The following ARIH1 variants were observed in gnomAD, a reference collection of about 807,000 sequenced individuals.
ARIH1 encodes the protein ariadne RBR E3 ubiquitin protein ligase 1.
A neutral mutation model predicts 85.0 loss-of-function variants in ARIH1; 8 were observed. The observed-to-expected ratio is 0.09, with a 90% CI of 0.06 to 0.17. ARIH1 has a LOEUF of 0.17. Ranked by LOEUF, ARIH1 falls within the 10% of genes least tolerant of loss-of-function variation. The pLI is 1.00. For missense variants in ARIH1, 311 were observed against 718.1 expected (o/e 0.43, Z 6.48); for synonymous variants, 238 against 253.6 (o/e 0.94, Z 0.59).
At chr15:72,557,688 C>A (rs528591320) in intron 5 of ARIH1, among the ~76,000 whole-genome samples, 1 of 152,250 alleles carries the variant, frequency 6.6e-6, no homozygotes, top group South Asian at 2.1e-4. Context: ...TGAGCTCTTA[C>A]ATTAAAGTAT....
intron 2 of ARIH1, among the ~76,000 whole-genome samples, chr15:72,527,714 T>C (rs2140415887): frequency 6.6e-6 from 1 of 152,324 alleles, no homozygotes; most frequent in Middle Eastern, 3.4e-3. Context: ...TTTCTTACTG[T>C]CTTTTTTCCT....
intron 5 of ARIH1, among the ~76,000 whole-genome samples, chr15:72,560,773 A>G (rs912363167): frequency 6.6e-6 from 1 of 152,186 alleles, no homozygotes; most frequent in Non-Finnish European, 1.5e-5. Flanking sequence ...GGTTCATTTA[A>G]AAGATTTTAA....
chr15:72,535,735 G>A (rs1011789340), intron 2 of ARIH1, among the ~76,000 whole-genome samples: 1 of 152,182 alleles, frequency 6.6e-6, no homozygotes, highest in African/African-American at 2.4e-5. Context: ...AGATAAAAAT[G>A]TATAGCAGGA....
At chr15:72,579,092 A>G (rs941836694) in intron 11 of ARIH1, among the ~76,000 whole-genome samples, 2 of 151,832 alleles carry the variant, frequency 1.3e-5, no homozygotes, top group African/African-American at 4.8e-5. Flanking sequence ...CCTATCTTAA[A>G]TTTTCTTTTA....
intron 2 of ARIH1, among the ~76,000 whole-genome samples, chr15:72,521,659 C>T (rs557123900): frequency 7.2e-5 from 11 of 152,062 alleles, no homozygotes; most frequent in Non-Finnish European, 1.5e-4. Flanking sequence ...AGGGATCCTC[C>T]TGCCTTAGCC....
chr15:72,522,277 G>A (rs2064003561), intron 2 of ARIH1, among the ~76,000 whole-genome samples: 1 of 152,164 alleles, frequency 6.6e-6, no homozygotes, highest in African/African-American at 2.4e-5. Flanking sequence ...ACATTGTGAG[G>A]CCAGGGAAGG....
intron 1 of ARIH1, among the ~76,000 whole-genome samples, chr15:72,489,406 G>C (rs2063850057): frequency 6.6e-6 from 1 of 152,120 alleles, no homozygotes; most frequent in African/African-American, 2.4e-5. Flanking sequence ...GCAATGAGGA[G>C]GTAAAACCAC....
intron 1 of ARIH1, among the ~76,000 whole-genome samples, chr15:72,480,451 A>C (rs2063811551): frequency 6.6e-6 from 1 of 150,944 alleles, no homozygotes; most frequent in Non-Finnish European, 1.5e-5. Context: ...ATTAGAGATG[A>C]GGTTTCACCA....
At chr15:72,555,488 A>G (rs1416689102) in intron 4 of ARIH1, 125 bp downstream of exon 4, 6 of 698,992 alleles carry the variant, frequency 8.6e-6, no homozygotes, top group Non-Finnish European at 1.4e-5. Flanking sequence ...TCAAACAACT[A>G]AAGATAATAG....
rs1046190429 is a variant in ARIH1, at chr15:72,588,778, C to G, written c.*5486C>G. The G allele has an allele frequency of 1.3e-5, 2 of 152,060 alleles. No homozygotes were observed. Among genetic ancestry groups the G allele is most frequent in the Non-Finnish European group, 1.5e-5 (1 of 68,032 alleles). 9.4% of individuals were successfully genotyped at this position (152,060 alleles called of 1,614,324 possible). On this transcript the variant is annotated 3_prime_UTR_variant, in exon 14 of 14. Coordinates refer to ENST00000379887, the MANE Select transcript of ARIH1 (RefSeq NM_005744.5). The stretch of plus-strand genomic sequence containing the variant: ...GAAAATCACAAAACTAAAAGTCTTA[C>G]CAAGAAGTAGAACTGACAAGCAGCC...
chr15:72,499,378 C>A (rs1466143926), intron 1 of ARIH1, among the ~76,000 whole-genome samples: 1 of 151,900 alleles, frequency 6.6e-6, no homozygotes, highest in East Asian at 1.9e-4. Flanking sequence ...TTATATCTTA[C>A]AATGATTACA....
At chr15:72,475,296 A>C (rs766552803) in intron 1 of ARIH1, 1 of 492,242 alleles carries the variant, frequency 2.0e-6, no homozygotes, top group East Asian at 4.9e-5. Context: ...AATTTCTGCC[A>C]GTCCCTGGGC....
At chr15:72,483,188 G>A (rs2063823357) in intron 1 of ARIH1, among the ~76,000 whole-genome samples, 1 of 152,080 alleles carries the variant, frequency 6.6e-6, no homozygotes, top group Non-Finnish European at 1.5e-5. Flanking sequence ...AGGCTTGACT[G>A]GGGAAGCTTC....
chr15:72,517,508 T>A (rs2063980576), intron 1 of ARIH1, among the ~76,000 whole-genome samples: 1 of 151,778 alleles, frequency 6.6e-6, no homozygotes, highest in South Asian at 2.1e-4. Flanking sequence ...CACTGCAACC[T>A]CCATCTCCCA....
intron 1 of ARIH1, among the ~76,000 whole-genome samples, chr15:72,504,678 A>G (rs916665686): frequency 3.3e-5 from 5 of 152,140 alleles, no homozygotes; most frequent in African/African-American, 1.2e-4. Flanking sequence ...GTAAAAAGAC[A>G]TTATTCGGAA....
rs571231285 is a variant in ARIH1, at chr15:72,581,044, T to A, written c.1476+53T>A. ...GCCCACCTTGTATCATAGGTCTACC[T>A]GATCTTTCATATATAAGATACAGAG... On this transcript the variant is annotated intron_variant, in intron 12 of 13. Coordinates refer to ENST00000379887, the MANE Select transcript of ARIH1 (RefSeq NM_005744.5). 6.5e-5 allele frequency: 101 copies of A among 1,546,320 alleles called. No individual in the cohort carries two copies. The African/African-American group carries it at 1.0e-3, about 16-fold the overall frequency.
chr15:72,579,260 T>G (rs960001282), intron 11 of ARIH1, among the ~76,000 whole-genome samples: 5 of 152,176 alleles, frequency 3.3e-5, no homozygotes, highest in African/African-American at 4.8e-5. Flanking sequence ...TTTCCCACAT[T>G]ATGGATTTTG....
At chr15:72,565,416 G>T (rs1211008586) in intron 7 of ARIH1, among the ~76,000 whole-genome samples, 1 of 151,956 alleles carries the variant, frequency 6.6e-6, no homozygotes, top group Non-Finnish European at 1.5e-5. Flanking sequence ...CTGCGGGGTG[G>T]TTTGGAGGGG....
chr15:72,501,974 A>T (rs1466215446), intron 1 of ARIH1, among the ~76,000 whole-genome samples: 1 of 152,226 alleles, frequency 6.6e-6, no homozygotes, highest in Non-Finnish European at 1.5e-5. Context: ...AGGTAACGAT[A>T]AAAGTTTAAA....
Sources: gnomAD v4.1 joint callset for allele counts (sites outside exome capture counted in the v4.1 genomes callset) on GRCh38, gnomAD v4.1.1 for gene constraint, MANE v1.5 for transcripts, NCBI Gene and HGNC (gene_info 2026-07-23, HGNC 2026-07-21) for gene names.